Variants in SLC24A2 observed in about 807,000 individuals in gnomAD.
The protein encoded by SLC24A2 is solute carrier family 24 member 2.
A neutral mutation model predicts 62.0 loss-of-function variants in SLC24A2; 36 were observed. The ratio of observed to expected loss-of-function variants is 0.58; its 90% CI spans 0.44 to 0.77. SLC24A2 has a LOEUF of 0.77. Among genes scored for constraint, SLC24A2 ranks in the 30% least tolerant of loss-of-function variants. SLC24A2 has a pLI of 0.00. For missense variants in SLC24A2, 846 were observed against 817.9 expected (o/e 1.03, Z -0.42); for synonymous variants, 358 against 294.0 (o/e 1.22, Z -2.23).
the SLC24A2 span, among the ~76,000 whole-genome samples, chr9:20,296,196 T>C: frequency 1.3e-5 from 2 of 152,248 alleles, no homozygotes; most frequent in Non-Finnish European, 2.9e-5. Flanking sequence ...ACGAAATGTA[T>C]AGACCACAAC....
chr9:19,533,152 A>G (rs1379334649), intron 8 of SLC24A2, among the ~76,000 whole-genome samples: 1 of 152,190 alleles, frequency 6.6e-6, no homozygotes, highest in African/African-American at 2.4e-5. Context: ...ATACTCTGAA[A>G]CTATAAGTAT....
chr9:19,976,223 G>C, the SLC24A2 span, among the ~76,000 whole-genome samples: 4 of 152,256 alleles, frequency 2.6e-5, no homozygotes, highest in East Asian at 7.7e-4. Context: ...TATTGTTATA[G>C]CTTTCATATT....
chr9:20,264,937 T>G, the SLC24A2 span, among the ~76,000 whole-genome samples: 1 of 152,166 alleles, frequency 6.6e-6, no homozygotes, highest in African/African-American at 2.4e-5. Flanking sequence ...TGTTGGAGAA[T>G]CCTAAGCCAC....
At chr9:19,767,663 C>T (rs748456480) in intron 2 of SLC24A2, among the ~76,000 whole-genome samples, 35 of 152,228 alleles carry the variant, frequency 2.3e-4, no homozygotes, top group Middle Eastern at 3.4e-3. Flanking sequence ...TGAGGTGAAC[C>T]GGGTACCTCA....
chr9:19,669,738 C>T (rs576803473), intron 2 of SLC24A2, among the ~76,000 whole-genome samples: 8 of 152,356 alleles, frequency 5.3e-5, no homozygotes, highest in Middle Eastern at 3.4e-3. Context: ...CTCTCCTCTT[C>T]TGCCTTAAGG....
the SLC24A2 span, among the ~76,000 whole-genome samples, chr9:20,019,142 AAAG>A: frequency 7.6e-6 from 1 of 131,122 alleles, no homozygotes; most frequent in Admixed American, 7.9e-5. Context: ...AGAAAGAAAG[AAAG>A]AAAGAAAGAA....
chr9:19,696,555 G>C (rs7867886), intron 2 of SLC24A2, among the ~76,000 whole-genome samples: 21,386 of 152,066 alleles, frequency 0.14, 2,343 homozygotes, highest in African/African-American at 0.31. Flanking sequence ...AGTATGTGAT[G>C]TTTTATTTCT....
At chr9:20,099,181 T>C in the SLC24A2 span, among the ~76,000 whole-genome samples, 1 of 152,224 alleles carries the variant, frequency 6.6e-6, no homozygotes, top group Non-Finnish European at 1.5e-5. Flanking sequence ...ATAGCTTCTT[T>C]AGTAGGCTTT....
At chr9:19,833,831 G>C in the SLC24A2 span, among the ~76,000 whole-genome samples, 33 of 152,250 alleles carry the variant, frequency 2.2e-4, no homozygotes, top group Non-Finnish European at 4.8e-4. Context: ...CCCCCAACTA[G>C]GGGCGGACTG....
the SLC24A2 span, among the ~76,000 whole-genome samples, chr9:20,176,975 G>A: frequency 6.6e-6 from 1 of 151,976 alleles, no homozygotes; most frequent in Non-Finnish European, 1.5e-5. Context: ...TGTTTTAATA[G>A]TAGCAATATT....
the SLC24A2 span, chr9:19,895,943 C>G: frequency 4.3e-6 from 7 of 1,612,908 alleles, no homozygotes; most frequent in Non-Finnish European, 5.1e-6. Flanking sequence ...AACAGCTGCA[C>G]GTGCTCCAGG....
At chr9:20,095,461 T>C in the SLC24A2 span, among the ~76,000 whole-genome samples, 17 of 152,222 alleles carry the variant, frequency 1.1e-4, no homozygotes, top group Non-Finnish European at 1.8e-4. Context: ...TTTTCTATTG[T>C]GGATGGGCCT....
the SLC24A2 span, among the ~76,000 whole-genome samples, chr9:19,821,487 A>C: frequency 1.3e-4 from 20 of 152,236 alleles, no homozygotes; most frequent in Middle Eastern, 3.4e-3. Flanking sequence ...GATACAAACG[A>C]GAACAGGACT....
intron 7 of SLC24A2, among the ~76,000 whole-genome samples, chr9:19,556,304 A>G (rs1213166052): frequency 6.6e-6 from 1 of 152,226 alleles, no homozygotes; most frequent in South Asian, 2.1e-4. Flanking sequence ...TCGGTGGAGA[A>G]GCCTGAGTTG....
chr9:19,520,865 C>T (rs748453977), intron 10 of SLC24A2, 29 bp downstream of exon 10: 1 of 1,610,282 alleles, frequency 6.2e-7, no homozygotes, highest in Admixed American at 1.7e-5. Flanking sequence ...GGAGCTGGTG[C>T]ACACCTTTGT....
the SLC24A2 span, among the ~76,000 whole-genome samples, chr9:19,913,834 AGT>A: frequency 1.3e-5 from 2 of 152,092 alleles, no homozygotes; most frequent in African/African-American, 4.8e-5. Context: ...CATTTACTTG[AGT>A]GTGTTTCTTG....
chr9:20,130,170 A>T, the SLC24A2 span, among the ~76,000 whole-genome samples: 1 of 152,146 alleles, frequency 6.6e-6, no homozygotes, highest in African/African-American at 2.4e-5. Context: ...TATTTCTTAA[A>T]TATGTACAAA....
chr9:20,267,832 AGT>A, the SLC24A2 span, among the ~76,000 whole-genome samples: 1 of 152,062 alleles, frequency 6.6e-6, no homozygotes, highest in African/African-American at 2.4e-5. Context: ...ACCTAAGAAG[AGT>A]GGGTGAATGA....
the SLC24A2 span, among the ~76,000 whole-genome samples, chr9:19,903,342 T>C: frequency 2.5e-3 from 381 of 152,140 alleles, 6 homozygotes; most frequent in East Asian, 0.061. Context: ...AGAGAGTGAG[T>C]GAGCTCTGGT....
Sources: allele counts gnomAD v4.1 joint callset (sites outside exome capture counted in the v4.1 genomes callset), GRCh38; gene constraint gnomAD v4.1.1; transcripts MANE v1.5; gene names NCBI Gene and HGNC (gene_info 2026-07-23, HGNC 2026-07-21).